The following STAG3 variants were observed in gnomAD, a reference collection of about 807,000 sequenced individuals.
STAG3 encodes cohesin subunit SA-3.
A neutral mutation model predicts 160.7 loss-of-function variants in STAG3; 101 were observed. The ratio of observed to expected loss-of-function variants is 0.63; its 90% CI spans 0.54 to 0.74. STAG3 has a LOEUF of 0.74. Ranked by LOEUF, STAG3 falls within the 30% of genes least tolerant of loss-of-function variation. The pLI is 0.00. For missense variants in STAG3, 1,188 were observed against 1,517.4 expected (o/e 0.78, Z 3.61); for synonymous variants, 519 against 585.0 (o/e 0.89, Z 1.63).
rs201403522 is a variant in STAG3, at chr7:100,182,710, T to C, written c.220-13T>C. 3 of 1,612,394 alleles carry C rather than the reference T, an allele frequency of 1.9e-6. No homozygotes were observed. The East Asian group carries it at 6.7e-5, about 36-fold the overall frequency. ...TTTTTTTTTCATATTTCTGATCTTTTTATACATATTAGGTGGCAAAACATC... is the reference window on the plus strand; with the variant it reads ...TTTTTTTTTCATATTTCTGATCTTTCTATACATATTAGGTGGCAAAACATC... On this transcript the variant is annotated splice_polypyrimidine_tract_variant and intron_variant, in intron 3 of 33. Coordinates refer to ENST00000615138, the MANE Select transcript of STAG3 (RefSeq NM_001282717.2).
chr7:100,189,736 G>T (rs1319399611), intron 8 of STAG3, 140 bp downstream of exon 8: 2 of 917,122 alleles, frequency 2.2e-6, no homozygotes, highest in Non-Finnish European at 3.3e-6. Flanking sequence ...GACCCATCCT[G>T]TAAGGGGTCA....
At chr7:100,182,378 A>G (rs1006855053) in intron 3 of STAG3, among the ~76,000 whole-genome samples, 186 bp downstream of exon 3, 33 of 152,058 alleles carry the variant, frequency 2.2e-4, no homozygotes, top group African/African-American at 7.0e-4. Context: ...AAAAGAAAAG[A>G]AAACCTAAAA....
intron 14 of STAG3, 66 bp from the exon 15 acceptor site, chr7:100,199,196 C>A: frequency 1.8e-6 from 2 of 1,127,762 alleles, no homozygotes; most frequent in Non-Finnish European, 2.7e-6. Flanking sequence ...GATATTTAAT[C>A]AGTAACCACT....
intron 4 of STAG3, among the ~76,000 whole-genome samples, chr7:100,183,053 G>A (rs1420435323): frequency 1.3e-5 from 2 of 151,102 alleles, no homozygotes; most frequent in East Asian, 1.9e-4. Flanking sequence ...TCTTTCTGTC[G>A]CCCAGGCTGG....
In STAG3 at chr7:100,182,083, C is replaced by G. The variant is rs1325385775; in HGVS notation, c.117-7C>G. ...TTATATTTAAAGAGAACCATACTTT[C>G]TCACAGGAATGGCGACTCTTTGTTA... On this transcript the variant is annotated splice_region_variant and splice_polypyrimidine_tract_variant and intron_variant, in intron 2 of 33. Transcript: ENST00000615138. 2 of 1,611,050 alleles carry G rather than the reference C, an allele frequency of 1.2e-6. No homozygotes were observed. Among genetic ancestry groups the G allele is most frequent in the African/African-American group, 1.3e-5 (1 of 74,910 alleles).
intron 25 of STAG3, among the ~76,000 whole-genome samples, 186 bp from the exon 26 acceptor site, chr7:100,203,833 ACT>A (rs1226334331): frequency 6.6e-6 from 1 of 151,998 alleles, no homozygotes; most frequent in African/African-American, 2.4e-5. Context: ...GTTTACCGAA[ACT>A]CTGATTTATT....
At chr7:100,189,702 A>G (rs976262366) in intron 8 of STAG3, 106 bp downstream of exon 8, 17 of 1,333,474 alleles carry the variant, frequency 1.3e-5, no homozygotes, top group Admixed American at 2.3e-5. Flanking sequence ...ATCATGAATA[A>G]TGGAGTCTGG....
rs961835578 is a variant in STAG3 at position 100,213,587 on chromosome 7, C to T, written c.3601-148C>T. 9 of 1,485,778 alleles carry T rather than the reference C, an allele frequency of 6.1e-6. 1 individual carries two copies. In the South Asian group the frequency reaches 1.2e-4, roughly 20 times the overall value. 92.0% of individuals were successfully genotyped at this position (1,485,778 alleles called of 1,614,324 possible). On this transcript the variant is annotated intron_variant, in intron 32 of 33. Coordinates refer to ENST00000615138, the MANE Select transcript of STAG3 (RefSeq NM_001282717.2). The stretch of plus-strand genomic sequence containing the variant: ...TGCAGTCAGGCCTGATCCTGGTGCC[C>T]ACACTGACTTCCCTCCCAGGAGGTG...
intron 32 of STAG3, chr7:100,213,188 C>A: frequency 2.3e-6 from 1 of 443,006 alleles, no homozygotes; most frequent in African/African-American, 2.1e-5. Flanking sequence ...GGGCATTCAT[C>A]CATCCATGAG....
chr7:100,188,811 G>A lies in STAG3; in HGVS notation c.511-1G>A. 6.2e-7 allele frequency: 1 copy of A among 1,613,996 alleles called. No individual in the cohort carries two copies. The highest frequency in any genetic ancestry group is 8.5e-7 in the Non-Finnish European group (1 of 1,179,974). On this transcript the variant is annotated splice_acceptor_variant, in intron 6 of 33. Transcript: ENST00000615138. LOFTEE classifies it high-confidence loss of function. ...CATCCTTTTCATACATCCTTTTGTA[G>A]GACTCGGGGGACTACCCTCTCATAG...
Position 100,182,176 on chromosome 7 carries a change from C to T in STAG3, c.203C>T (p.Pro68Leu). The change falls in exon 3 of 34, where the codon CCA (proline) becomes CTA (leucine). Residue 68 changes from proline to leucine, a missense_variant. This residue lies in a region of STAG3 where 296 missense variants were observed against 404.0 expected (regional missense o/e 0.73). Coordinates refer to ENST00000615138, the MANE Select transcript of STAG3 (RefSeq NM_001282717.2). Reference protein sequence around the residue: ...RNVKKRAAKRPPKTTPVAKHP... With the variant: ...RNVKKRAAKRLPKTTPVAKHP... The stretch of plus-strand genomic sequence containing the variant: ...GTGAAGAAGAGAGCAGCAAAACGAC[C>T]ACCGAAAACAACACCGGTGAGTCAG... The T allele has an allele frequency of 1.2e-6, 2 of 1,611,914 alleles. No individual in the cohort carries two copies. The highest frequency in any genetic ancestry group is 8.5e-7 in the Non-Finnish European group (1 of 1,179,628).
At chr7:100,202,098 G>A (rs1801190731) in intron 23 of STAG3, 57 bp downstream of exon 23, 1 of 1,610,138 alleles carries the variant, frequency 6.2e-7, no homozygotes, top group Admixed American at 1.7e-5. Flanking sequence ...CCATTCCAAG[G>A]AGAAATTGAC....
At position 100,195,376 on chromosome 7, in the gene STAG3, G is replaced by A. The variant is rs1408162370; in HGVS notation, c.935G>A (p.Arg312Gln). Residue 312 changes from arginine (R) to glutamine (Q), a missense_variant, in exon 9 of 34, where the codon CGG becomes CAG. By Grantham distance (43) the Arg-to-Gln change is conservative. This residue lies in a region of STAG3 where 296 missense variants were observed against 404.0 expected (regional missense o/e 0.73). Coordinates refer to ENST00000615138, the MANE Select transcript of STAG3 (RefSeq NM_001282717.2). ...CTCTTCAGGGGTGTCTTTGTTCATC[G>A]GTACAGGTGAGCTAATGGGCCTCTC... Reference protein sequence around the residue: ...NALFRGVFVHRYRDVLPEIRA... With the variant: ...NALFRGVFVHQYRDVLPEIRA... The A allele has an allele frequency of 1.2e-6, 2 of 1,613,714 alleles. No homozygotes were observed. Among genetic ancestry groups the A allele is most frequent in the East Asian group, 2.2e-5 (1 of 44,896 alleles).
chr7:100,212,238 G>C, intron 32 of STAG3: 1 of 189,870 alleles, frequency 5.3e-6, no homozygotes, highest in Non-Finnish European at 1.1e-5. Context: ...CACAAAACAT[G>C]ACCCCCTATC....
At chr7:100,184,408 C>A (rs996467587) in intron 4 of STAG3, among the ~76,000 whole-genome samples, 9 of 150,486 alleles carry the variant, frequency 6.0e-5, no homozygotes, top group Admixed American at 5.4e-4. Flanking sequence ...AGGACCTGAG[C>A]ACATTTTAAT....
At chr7:100,179,071 G>T (rs1799462840) in intron 1 of STAG3, among the ~76,000 whole-genome samples, 1 of 151,232 alleles carries the variant, frequency 6.6e-6, no homozygotes, top group Non-Finnish European at 1.5e-5. Context: ...AACTCGTAGG[G>T]TTAGGCAGTC....
In STAG3 at chr7:100,188,938, A is replaced by G. The variant is rs748521171; in HGVS notation, c.637A>G (p.Met213Val). ...CAGCCTCCTCTATGATGGCTTCCCT[A>G]TGGACGACCTCATCTCCCTGCTCAC... ...QYSLLYDGFP[M>V]DDLISLLTGL... The change falls in exon 7 of 34, where the codon ATG (methionine) becomes GTG (valine). Residue 213 changes from methionine (M) to valine (V), a missense_variant. Transcript: ENST00000615138. 3.8e-5 allele frequency: 61 copies of G among 1,614,140 alleles called. No individual in the cohort carries two copies. The highest frequency in any genetic ancestry group is 4.2e-5 in the Non-Finnish European group (50 of 1,180,018).
rs751984027 is a variant in STAG3, at chr7:100,200,826, G to T, written c.1918G>T (p.Ala640Ser). ...QEVVVKHAEP[A>S]VLEAGAHALY... ...GGTGGTGGTGAAGCATGCAGAGCCA[G>T]CGGTGCTTGAGGCTGGGGCGCATGC... is the stretch of plus-strand genomic sequence containing the variant. Residue 640 changes from alanine (A) to serine (S), a missense_variant, in exon 19 of 34, where the codon GCG becomes TCG. Ala to Ser is a moderately conservative substitution (Grantham distance 99). Transcript: ENST00000615138. The T allele has an allele frequency of 1.2e-6, 2 of 1,614,236 alleles. No individual in the cohort carries two copies. Among genetic ancestry groups the T allele is most frequent in the Non-Finnish European group, 1.7e-6 (2 of 1,180,056 alleles).
rs370188308 is a variant in STAG3, at chr7:100,202,343, G to A, written c.2563+3G>A. On this transcript the variant is annotated splice_donor_region_variant and intron_variant, in intron 24 of 33. Coordinates refer to ENST00000615138, the MANE Select transcript of STAG3 (RefSeq NM_001282717.2). Reference sequence around the variant, plus strand: ...CCAGCCGGGAGACCTGGGCAGTGGTGCAGTGACTCTATACCTGGGGCTCAG... The same window carrying A: ...CCAGCCGGGAGACCTGGGCAGTGGTACAGTGACTCTATACCTGGGGCTCAG... 1 of 1,613,994 alleles carries A rather than the reference G, an allele frequency of 6.2e-7. No homozygotes were observed. Among genetic ancestry groups the A allele is most frequent in the Non-Finnish European group, 8.5e-7 (1 of 1,179,956 alleles).
Sources: allele counts gnomAD v4.1 joint callset (sites outside exome capture counted in the v4.1 genomes callset), GRCh38; gene constraint gnomAD v4.1.1; regional missense constraint gnomAD v4.1.1; transcripts MANE v1.5; gene names NCBI Gene and HGNC (gene_info 2026-07-23, HGNC 2026-07-21).